Variants in ATP2B3 observed in about 807,000 individuals in gnomAD.
The protein encoded by ATP2B3 is ATPase plasma membrane Ca2+ transporting 3.
Under a neutral mutation model 70.8 loss-of-function variants are expected in ATP2B3, and 12 were observed. That is an observed-to-expected ratio of 0.17 (90% CI 0.11 to 0.27). ATP2B3 has a LOEUF of 0.27. Among genes scored for constraint, ATP2B3 ranks in the 10% least tolerant of loss-of-function variants. ATP2B3 has a pLI of 1.00. For missense variants in ATP2B3, 858 were observed against 1,118.5 expected (o/e 0.77, Z 3.32); for synonymous variants, 460 against 497.8 (o/e 0.92, Z 1.01).
intron 15 of ATP2B3, 111 bp downstream of exon 15, chrX:153,556,529 G>A: frequency 1.2e-6 from 1 of 824,333 alleles, no homozygotes. Context: ...CTAGGAAGCT[G>A]GGTCCATTTG....
chrX:153,577,493 G>C (rs1050280151), intron 21 of ATP2B3, among the ~76,000 whole-genome samples: 3 of 112,690 alleles, frequency 2.7e-5, no homozygotes, highest in African/African-American at 9.7e-5. Context: ...CGATGTCCCA[G>C]GCGGCTTCCA....
intron 15 of ATP2B3, 80 bp from the exon 16 acceptor site, chrX:153,556,837 C>A: frequency 9.7e-7 from 1 of 1,029,589 alleles, no homozygotes; most frequent in Non-Finnish European, 1.3e-6. Flanking sequence ...CAACCTACCC[C>A]CATAGCTCCC....
At position 153,543,093 on chromosome X, in the gene ATP2B3, G is replaced by A. The variant is rs376411863; in HGVS notation, c.841G>A (p.Val281Met). ...AAGAATGGTGGTGACCGCCGTTGGC[G>A]TGAATTCCCAGACAGGCATCATCTT... ...SGRMVVTAVG[V>M]NSQTGIIFTL... Residue 281 changes from valine (V) to methionine (M), a missense_variant, in exon 7 of 22, where the codon GTG becomes ATG. Val to Met is a conservative substitution (Grantham distance 21, BLOSUM62 1). Coordinates refer to ENST00000263519, the MANE Select transcript of ATP2B3 (RefSeq NM_001001344.3). The A allele has an allele frequency of 8.2e-7, 1 of 1,212,123 alleles. No individual in the cohort carries two copies. Among genetic ancestry groups the A allele is most frequent in the Non-Finnish European group, 1.1e-6 (1 of 895,418 alleles).
At chrX:153,569,406 C>T (rs1346315291) in intron 21 of ATP2B3, 3 of 523,136 alleles carry the variant, frequency 5.7e-6, no homozygotes, top group South Asian at 5.4e-5. Flanking sequence ...AACCCTCTCT[C>T]GGTGGGTGGC....
At chrX:153,548,878 T>A (rs782779259) in intron 10 of ATP2B3, 24 bp downstream of exon 10, 2 of 1,189,295 alleles carry the variant, frequency 1.7e-6, no homozygotes, top group Admixed American at 4.4e-5. Context: ...TTACAGTTGA[T>A]ACTGTTTACA....
In ATP2B3 at chrX:153,550,081, G is replaced by A; in HGVS notation, c.1618G>A (p.Gly540Ser). Reference sequence around the variant, plus strand: ...GGAAGGCGCCCTCCCACGCCAGGTGGGCAATAAGACGGAGTGCGCCCTGCT... The same window carrying A: ...GGAAGGCGCCCTCCCACGCCAGGTGAGCAATAAGACGGAGTGCGCCCTGCT... ...EKEGALPRQV[G>S]NKTECALLGF... The change falls in exon 12 of 22, where the codon GGC becomes AGC. Residue 540 changes from glycine to serine, a missense_variant. Gly to Ser is a moderately conservative substitution (Grantham distance 56). Coordinates refer to ENST00000263519, the MANE Select transcript of ATP2B3 (RefSeq NM_001001344.3). 1.7e-6 allele frequency: 2 copies of A among 1,211,630 alleles called. No individual in the cohort carries two copies. The highest frequency in any genetic ancestry group is 2.2e-6 in the Non-Finnish European group (2 of 894,929).
chrX:153,580,440 C>A lies in ATP2B3; in HGVS notation c.*142C>A. ...CTAAGGTGGCTGAAGACCTTTCTGGCAGGGCATTTGCAAGGACCCAAATCC... is the reference window on the plus strand; with the variant it reads ...CTAAGGTGGCTGAAGACCTTTCTGGAAGGGCATTTGCAAGGACCCAAATCC... On this transcript the variant is annotated 3_prime_UTR_variant, in exon 22 of 22. Transcript: ENST00000263519. 2 of 634,845 alleles carry A rather than the reference C, an allele frequency of 3.2e-6. No homozygotes were observed. The highest frequency in any genetic ancestry group is 4.7e-6 in the Non-Finnish European group (2 of 428,210). 52.3% of individuals were successfully genotyped at this position (634,845 alleles called of 1,213,427 possible).
At chrX:153,565,403 C>T (rs1373671387) in intron 21 of ATP2B3, among the ~76,000 whole-genome samples, 5 of 113,070 alleles carry the variant, frequency 4.4e-5, no homozygotes, top group African/African-American at 1.6e-4. Flanking sequence ...AGGCCAGCAC[C>T]GTCCTCATCA....
Position 153,536,329 on chromosome X carries a change from G to A in ATP2B3, c.82G>A (p.Gly28Arg). The change falls in exon 3 of 22, where the codon GGG (glycine) becomes AGG (arginine). Residue 28 changes from glycine to arginine, a missense_variant. Physicochemically the swap from Gly to Arg is moderately radical, Grantham distance 125 (BLOSUM62 -2). Coordinates refer to ENST00000263519, the MANE Select transcript of ATP2B3 (RefSeq NM_001001344.3). ...GGATGTCCCCCAGGCTGGAGGCTTT[G>A]GGTGCACGCTGGCGGAGCTGCGCAC... Reference protein sequence around the residue: ...QRDVPQAGGFGCTLAELRTLM... With the variant: ...QRDVPQAGGFRCTLAELRTLM... 1 of 1,199,021 alleles carries A rather than the reference G, an allele frequency of 8.3e-7. No homozygotes were observed. Among genetic ancestry groups the A allele is most frequent in the Non-Finnish European group, 1.1e-6 (1 of 889,185 alleles).
chrX:153,543,506 C>A (rs1557007622), intron 7 of ATP2B3, among the ~76,000 whole-genome samples: 1 of 112,632 alleles, frequency 8.9e-6, no homozygotes, highest in East Asian at 2.8e-4. Context: ...GGGCCCGTGC[C>A]CAGTAAGGTG....
Position 153,549,691 on chromosome X carries a change from C to T in ATP2B3, c.1533C>T (p.Leu511=). The T allele has an allele frequency of 8.2e-7, 1 of 1,212,284 alleles. No homozygotes were observed. Among genetic ancestry groups the T allele is most frequent in the Middle Eastern group, 2.3e-4 (1 of 4,355 alleles). Reference sequence around the variant, plus strand: ...CCCTGACCCCTAAGATCCTCGACCTCCTGGTCCATGCCATCTCCATCAACA... The same window carrying T: ...CCCTGACCCCTAAGATCCTCGACCTTCTGGTCCATGCCATCTCCATCAACA... ...PSALTPKILD[L]LVHAISINSA... Residue 511 remains leucine, a synonymous_variant, in exon 11 of 22, where the codon CTC becomes CTT. Coordinates refer to ENST00000263519, the MANE Select transcript of ATP2B3 (RefSeq NM_001001344.3).
At chrX:153,569,068 CCCT>C (rs2090751013) in intron 21 of ATP2B3, among the ~76,000 whole-genome samples, 1 of 112,442 alleles carries the variant, frequency 8.9e-6, no homozygotes, top group African/African-American at 3.2e-5. Context: ...TGGGAAAACC[CCCT>C]CCTCCGCTAG....
intron 2 of ATP2B3, among the ~76,000 whole-genome samples, chrX:153,520,167 C>T (rs1425204808): frequency 2.7e-5 from 3 of 112,768 alleles, no homozygotes; most frequent in Non-Finnish European, 5.6e-5. Context: ...AGTGAGTGCT[C>T]TCCATCCCAG....
Position 153,541,705 on chromosome X carries a change from G to A in ATP2B3, c.443G>A (p.Gly148Asp). 1 of 1,211,505 alleles carries A rather than the reference G, an allele frequency of 8.3e-7. No homozygotes were observed. Among genetic ancestry groups the A allele is most frequent in the Non-Finnish European group, 1.1e-6 (1 of 895,478 alleles). Residue 148 changes from glycine to aspartate, a missense_variant, in exon 5 of 22, where the codon GGC (glycine) becomes GAC (aspartate). Around this residue, in one of 5 missense-constraint regions of ATP2B3, gnomAD observed 278 missense variants for 366.2 expected, o/e 0.76. Coordinates refer to ENST00000263519, the MANE Select transcript of ATP2B3 (RefSeq NM_001001344.3). The part of the protein sequence containing the change: ...GNVSGGAEDE[G>D]EAEAGWIEGA... ...GTGTCGGGAGGCGCAGAAGATGAGG[G>A]CGAGGCCGAAGCTGGCTGGATCGAG...
intron 21 of ATP2B3, 49 bp from the exon 22 acceptor site, chrX:153,579,929 T>C (rs370381287): frequency 7.3e-6 from 8 of 1,093,113 alleles, no homozygotes; most frequent in Admixed American, 4.9e-5. Context: ...CTTCCTTTCC[T>C]CCCTCCCTGC....
chrX:153,544,136 T>G (rs2090329800), intron 7 of ATP2B3, among the ~76,000 whole-genome samples: 1 of 112,438 alleles, frequency 8.9e-6, no homozygotes, highest in Non-Finnish European at 1.9e-5. Context: ...CCAAGTCCTG[T>G]AGGGCTCAGT....
At chrX:153,549,878 T>G (rs1211026333) in intron 11 of ATP2B3, 139 bp downstream of exon 11, 5 of 1,056,561 alleles carry the variant, frequency 4.7e-6, no homozygotes, top group Non-Finnish European at 6.2e-6. Flanking sequence ...GCCTCACAGG[T>G]GGCTCTGGCT....
chrX:153,531,768 C>T (rs188471685), intron 2 of ATP2B3, among the ~76,000 whole-genome samples: 45 of 112,905 alleles, frequency 4.0e-4, no homozygotes, highest in Non-Finnish European at 8.1e-4. Context: ...GCCCCATCAT[C>T]CCTGTGGGGA....
chrX:153,555,747 G>C (rs898628085), intron 13 of ATP2B3, among the ~76,000 whole-genome samples: 12 of 112,518 alleles, frequency 1.1e-4, no homozygotes, highest in African/African-American at 3.6e-4. Flanking sequence ...TTGTAACTTG[G>C]TGCAAAGGTG....
Sources: gnomAD v4.1 joint callset for allele counts (sites outside exome capture counted in the v4.1 genomes callset) on GRCh38, gnomAD v4.1.1 for gene constraint, gnomAD v4.1.1 regional missense constraint, MANE v1.5 for transcripts, NCBI Gene and HGNC (gene_info 2026-07-23, HGNC 2026-07-21) for gene names.